PPFIA4: variants seen among roughly 807,000 people sequenced by gnomAD.
The protein encoded by PPFIA4 is PPFI scaffold protein A4, also known as liprin-alpha-4.
Under a neutral mutation model 145.7 loss-of-function variants are expected in PPFIA4, and 98 were observed. That is an observed-to-expected ratio of 0.67 (90% CI 0.57 to 0.80). The LOEUF is 0.80. Ranked by LOEUF, PPFIA4 falls within the 30% of genes least tolerant of loss-of-function variation. The pLI, the probability that PPFIA4 is intolerant of heterozygous loss-of-function variation, is 0.00. For missense variants in PPFIA4, 1,457 were observed against 1,632.7 expected, an observed-to-expected ratio of 0.89 and a Z score of 1.85; for synonymous variants, 628 against 649.6, an observed-to-expected ratio of 0.97 and a Z score of 0.51.
Position 203,068,024 on chromosome 1 carries a change from ACAAATG to A in PPFIA4, c.3148+235_3148+240del, listed in dbSNP as rs1272212994. ...ATACCAGATAGCAGCCACCAACTGG[ACAAATG>A]CAGTGAATCCTCTGGGACGGTGTTA... is the stretch of plus-strand genomic sequence containing the variant. On this transcript the variant is annotated intron_variant, in intron 26 of 29. Coordinates refer to ENST00000295706, the MANE Select transcript of PPFIA4 (RefSeq NM_001304331.2). This position sits in a 1 kb window ranked among gnomAD's most constrained non-coding sequence, Gnocchi z 4.7. 2.0e-5 allele frequency among the ~76,000 whole-genome samples: 3 copies of A among 152,182 alleles called. No homozygotes were observed. The highest frequency in any genetic ancestry group is 7.2e-5 in the African/African-American group (3 of 41,430).
chr1:203,065,810 G>T (rs1661696836), intron 25 of PPFIA4, among the ~76,000 whole-genome samples: 1 of 152,192 alleles, frequency 6.6e-6, no homozygotes, highest in African/African-American at 2.4e-5. Flanking sequence ...ACCCAGCCAG[G>T]TGATTACAGA....
At chr1:203,033,169 G>C (rs978338928) in intron 1 of PPFIA4, among the ~76,000 whole-genome samples, 1 of 152,226 alleles carries the variant, frequency 6.6e-6, no homozygotes, top group African/African-American at 2.4e-5. Context: ...ATGACAACCT[G>C]TGAGAGCACT....
chr1:203,069,768 G>A (rs1021339287), intron 27 of PPFIA4, among the ~76,000 whole-genome samples: 7 of 67,216 alleles, frequency 1.0e-4, no homozygotes, highest in Admixed American at 2.8e-4. Flanking sequence ...CCCCCGCCCC[G>A]CCCCCACCCC....
At chr1:203,027,378 G>A (rs1658481895) in intron 1 of PPFIA4, among the ~76,000 whole-genome samples, 1 of 152,212 alleles carries the variant, frequency 6.6e-6, no homozygotes, top group Non-Finnish European at 1.5e-5. Flanking sequence ...AGGTCGGGCT[G>A]GAGGACTTGG....
At position 203,070,955 on chromosome 1, in the gene PPFIA4, G is replaced by GT. The variant is rs11323394; in HGVS notation, c.3325-725dup. Among the ~76,000 whole-genome samples the GT allele has an allele frequency of 1.3e-3, 186 of 143,866 alleles. 1 individual carries two copies. Among genetic ancestry groups the GT allele is most frequent in the South Asian group, 4.6e-3 (21 of 4,574 alleles). The allele number at this position is 143,866 out of a possible 152,430, so 94.4% of individuals were successfully genotyped here. On this transcript the variant is annotated intron_variant, in intron 27 of 29. Coordinates refer to ENST00000295706, the MANE Select transcript of PPFIA4 (RefSeq NM_001304331.2). ...ATGTGTTCTATGATCCCACTTTTTT[G>GT]TTTTTTTTTTTTCTTAGAGACAGGG...
At chr1:203,046,667 T>TC (rs1406048204) in intron 9 of PPFIA4, among the ~76,000 whole-genome samples, 1 of 151,494 alleles carries the variant, frequency 6.6e-6, no homozygotes, top group Admixed American at 6.6e-5. Flanking sequence ...TTTTCTTTTT[T>TC]TTTTTTTTTA....
chr1:203,051,109 G>T lies in PPFIA4; in HGVS notation c.1512-660G>T, dbSNP rs1660473512. The T allele has an allele frequency of 3.1e-6, 3 of 982,096 alleles. No homozygotes were observed. In the South Asian group the frequency reaches 1.4e-4, roughly 46 times the overall value. 60.8% of individuals were successfully genotyped at this position (982,096 alleles called of 1,614,324 possible). A position where few individuals can be genotyped will look rare whatever the true frequency, so the allele number is the denominator to read the frequency against. On this transcript the variant is annotated intron_variant, in intron 13 of 29. Transcript: ENST00000295706. ...CAGGGAGGAAGTATCACTAGGGGAG[G>T]CTTCCAGATATTCCAGGGGATTGTT...
chr1:203,056,493 A>T lies in PPFIA4; in HGVS notation c.2225A>T (p.Gln742Leu), dbSNP rs1386725775. The T allele has an allele frequency of 6.2e-7, 1 of 1,613,852 alleles. No individual in the cohort carries two copies. Among genetic ancestry groups the T allele is most frequent in the African/African-American group, 1.3e-5 (1 of 75,062 alleles). ...AAGCTTGGCCACCCAGCCCTGAGCC[A>T]GGAAGAAGGCAAGAGGTAAGTAGAG... ...LEKLGHPALS[Q>L]EEGKSALEDQ... The change falls in exon 18 of 30, where the codon CAG becomes CTG. Residue 742 changes from glutamine to leucine, a missense_variant. Gln to Leu is a moderately radical substitution (Grantham distance 113). Around this residue, in one of 3 missense-constraint regions of PPFIA4, gnomAD observed 848 missense variants for 1,046.7 expected, o/e 0.81. Transcript: ENST00000295706.
rs766823231 is a variant in PPFIA4, at chr1:203,077,350, C to T, written c.*960C>T. 3.9e-5 allele frequency: 6 copies of T among 152,368 alleles called. No individual in the cohort carries two copies. The highest frequency in any genetic ancestry group is 7.3e-5 in the Non-Finnish European group (5 of 68,144). The allele number at this position is 152,368 out of a possible 1,614,324, so 9.4% of individuals were successfully genotyped here. On this transcript the variant is annotated 3_prime_UTR_variant, in exon 30 of 30. Transcript: ENST00000295706. Reference sequence around the variant, plus strand: ...GCTAGCTCTGCTCCCAGCATCCCTTCCCCTTCTCTCCTCCTCTGCCTCACT... The same window carrying T: ...GCTAGCTCTGCTCCCAGCATCCCTTTCCCTTCTCTCCTCCTCTGCCTCACT...
At position 203,026,631 on chromosome 1, in the gene PPFIA4, T is replaced by A. The variant is rs1571640422; in HGVS notation, c.-400+2T>A. 6.6e-6 allele frequency: 1 copy of A among 152,424 alleles called. No homozygotes were observed. Among genetic ancestry groups the A allele is most frequent in the South Asian group, 2.1e-4 (1 of 4,842 alleles). 9.4% of individuals were successfully genotyped at this position (152,424 alleles called of 1,614,324 possible). On this transcript the variant is annotated splice_donor_variant, in intron 1 of 29. Coordinates refer to ENST00000295706, the MANE Select transcript of PPFIA4 (RefSeq NM_001304331.2). LOFTEE classifies it low-confidence loss of function (5UTR_SPLICE). Reference sequence around the variant, plus strand: ...CTGGCCTTCGGCATTTGCAGGCAGGTGAGCGCCCAGAGCCTGGACTGGGGT... The same window carrying A: ...CTGGCCTTCGGCATTTGCAGGCAGGAGAGCGCCCAGAGCCTGGACTGGGGT...
chr1:203,059,208 A>C lies in PPFIA4; in HGVS notation c.2438A>C (p.Gln813Pro). ...VLLTDSEFSM[Q>P]EPMVPAKLGT... ...CTAACAGACTCCGAATTCAGTATGC[A>C]GGAGCCTATGGTGCCTGCCAAGCTG... The change falls in exon 20 of 30, where the codon CAG becomes CCG. Residue 813 changes from glutamine (Q) to proline (P), a missense_variant. Physicochemically the swap from Gln to Pro is moderately conservative, Grantham distance 76 (BLOSUM62 -1). Coordinates refer to ENST00000295706, the MANE Select transcript of PPFIA4 (RefSeq NM_001304331.2). 6.4e-7 allele frequency: 1 copy of C among 1,550,490 alleles called. No individual in the cohort carries two copies.
chr1:203,059,929 G>A, intron 21 of PPFIA4, 78 bp downstream of exon 21: 1 of 1,223,032 alleles, frequency 8.2e-7, no homozygotes. Context: ...TGGTGTCCTA[G>A]AACTTTTACA....
chr1:203,059,832 C>T lies in PPFIA4; in HGVS notation c.2564C>T (p.Thr855Ile), dbSNP rs529251115. ...CCCTTTGCCCAGTGGGATGGTCCTA[C>T]TGTGGTCTCCTGGTTGGAGGTAAGC... ...GMPFAQWDGP[T>I]VVSWLELWVG... is the part of the protein sequence containing the mutation. Residue 855 changes from threonine to isoleucine, a missense_variant, in exon 21 of 30, where the codon ACT becomes ATT. Thr to Ile is a moderately conservative substitution (Grantham distance 89). Transcript: ENST00000295706. 1.2e-6 allele frequency: 2 copies of T among 1,612,170 alleles called. No homozygotes were observed. Among genetic ancestry groups the T allele is most frequent in the East Asian group, 2.2e-5 (1 of 44,840 alleles).
chr1:203,035,089 A>C (rs1237564136), intron 1 of PPFIA4: 4 of 346,824 alleles, frequency 1.2e-5, no homozygotes, highest in Non-Finnish European at 1.7e-5. Context: ...GGCGACCATT[A>C]TTTTTCTGGA....
At chr1:203,027,394 T>C (rs1389315679) in intron 1 of PPFIA4, among the ~76,000 whole-genome samples, 3 of 152,106 alleles carry the variant, frequency 2.0e-5, no homozygotes, top group African/African-American at 7.2e-5. Flanking sequence ...CTTGGAGACA[T>C]GGTGTAGGTG....
At chr1:203,070,618 T>C (rs1571740791) in intron 27 of PPFIA4, among the ~76,000 whole-genome samples, 1 of 147,180 alleles carries the variant, frequency 6.8e-6, no homozygotes, top group African/African-American at 2.5e-5. Context: ...GTTAAAAATA[T>C]CTGGTAGCAG....
intron 1 of PPFIA4, among the ~76,000 whole-genome samples, chr1:203,038,289 C>A (rs1429009111): frequency 6.6e-6 from 1 of 152,190 alleles, no homozygotes; most frequent in Non-Finnish European, 1.5e-5. Context: ...GGCATCCTGC[C>A]GGCTGCTCCC....
chr1:203,052,183 G>T (rs557323647), intron 14 of PPFIA4, among the ~76,000 whole-genome samples: 10 of 151,584 alleles, frequency 6.6e-5, no homozygotes, highest in Admixed American at 2.0e-4. Context: ...GGTCGGGCGT[G>T]GGGGGTGGGG....
In PPFIA4 at chr1:203,032,586, A is replaced by G. The variant is rs182339273; in HGVS notation, c.-400+5957A>G. Among the ~76,000 whole-genome samples, 1,149 of 149,584 alleles carry G rather than the reference A, an allele frequency of 7.7e-3. 21 individuals carry two copies. The highest frequency in any genetic ancestry group is 0.027 in the African/African-American group (1,112 of 40,622). ...AACTGGGACTGTAGTCTGTAGACGC[A>G]TGCCGCTGTGCCCAGCTAACATTTT... On this transcript the variant is annotated intron_variant, in intron 1 of 29. Transcript: ENST00000295706.
Sources: allele counts gnomAD v4.1 joint callset (sites outside exome capture counted in the v4.1 genomes callset), GRCh38; gene constraint gnomAD v4.1.1; regional missense constraint gnomAD v4.1.1; non-coding constraint Gnocchi (gnomAD v3.1); transcripts MANE v1.5; gene names NCBI Gene and HGNC (gene_info 2026-07-23, HGNC 2026-07-21).